RABGAP1L: variants seen among roughly 807,000 people sequenced by gnomAD.
RABGAP1L encodes RAB GTPase activating protein 1 like, also known as rab GTPase-activating protein 1-like.
In RABGAP1L, 63 loss-of-function variants were observed where a neutral mutation model predicts 137.7. That is an observed-to-expected ratio of 0.46 (90% confidence interval 0.37 to 0.56). The LOEUF (loss-of-function observed/expected upper bound fraction) is 0.56. Ranked by LOEUF, RABGAP1L falls within the 20% of genes least tolerant of loss-of-function variation. RABGAP1L has a pLI of 0.00. For missense variants in RABGAP1L, 1,095 were observed against 1,244.0 expected (o/e 0.88, Z 1.80); for synonymous variants, 431 against 433.7 (o/e 0.99, Z 0.08).
intron 11 of RABGAP1L, among the ~76,000 whole-genome samples, chr1:174,322,318 C>G (rs914712452): frequency 1.3e-5 from 2 of 152,076 alleles, no homozygotes; most frequent in Non-Finnish European, 2.9e-5. Flanking sequence ...TTTATGGTTT[C>G]TGCAGGTTAG....
At chr1:174,635,066 A>G (rs184068677) in intron 13 of RABGAP1L, among the ~76,000 whole-genome samples, 23 of 148,438 alleles carry the variant, frequency 1.5e-4, no homozygotes, top group African/African-American at 5.4e-4. Context: ...TAAAAAAATA[A>G]AAAAAGAAAA....
intron 5 of RABGAP1L, 25 bp from the exon 6 acceptor site, chr1:174,250,450 G>A: frequency 6.3e-7 from 1 of 1,579,702 alleles, no homozygotes; most frequent in Non-Finnish European, 8.6e-7. Flanking sequence ...TTTGCCTAAT[G>A]GTATTTCCTT....
At chr1:174,283,519 T>G (rs565060177) in intron 10 of RABGAP1L, among the ~76,000 whole-genome samples, 10 of 152,106 alleles carry the variant, frequency 6.6e-5, no homozygotes, top group African/African-American at 2.4e-4. Context: ...GTTTGTTTGT[T>G]TTTTTGAGAC....
In RABGAP1L at chr1:174,793,907, G is replaced by C. The variant is rs1304490667; in HGVS notation, c.2212-17925G>C. On this transcript the variant is annotated intron_variant, in intron 18 of 25. Coordinates refer to ENST00000681986, the MANE Select transcript of RABGAP1L (RefSeq NM_001366446.1). ...AGACAGGTTTATGATATGTTGGCCA[G>C]GTTGGTCTCAAACTCCTGACCTCAA... Among the ~76,000 whole-genome samples the C allele has an allele frequency of 3.9e-5, 6 of 152,118 alleles. No individual in the cohort carries two copies. The East Asian group carries it at 7.7e-4, about 20-fold the overall frequency.
chr1:174,419,628 CTT>C (rs1441013670), intron 13 of RABGAP1L, among the ~76,000 whole-genome samples: 1 of 152,050 alleles, frequency 6.6e-6, no homozygotes, highest in Non-Finnish European at 1.5e-5. Context: ...TAATTTAAAA[CTT>C]AAAATAGTTA....
At chr1:174,520,559 C>T (rs1339597911) in intron 13 of RABGAP1L, among the ~76,000 whole-genome samples, 1 of 152,124 alleles carries the variant, frequency 6.6e-6, no homozygotes, top group Admixed American at 6.5e-5. Context: ...ACATTTGATT[C>T]TTTATATTGT....
intron 13 of RABGAP1L, among the ~76,000 whole-genome samples, chr1:174,623,421 C>T (rs1672693141): frequency 6.6e-6 from 1 of 152,144 alleles, no homozygotes; most frequent in Non-Finnish European, 1.5e-5. Flanking sequence ...ATTAATTAAA[C>T]ATGCTCATGG....
chr1:174,312,480 C>T (rs1162020336), intron 11 of RABGAP1L, among the ~76,000 whole-genome samples: 1 of 151,896 alleles, frequency 6.6e-6, no homozygotes, highest in East Asian at 1.9e-4. Context: ...TTGAGCTGTT[C>T]CTTATATTTT....
At chr1:174,546,023 A>G (rs925133419) in intron 13 of RABGAP1L, 3 of 152,232 alleles carry the variant, frequency 2.0e-5, no homozygotes, top group Non-Finnish European at 4.4e-5. Context: ...AGAAAAAAAG[A>G]ATCTTAAGAA....
chr1:174,318,580 T>TTTTTCTTTC (rs533199280), intron 11 of RABGAP1L, among the ~76,000 whole-genome samples: 1 of 117,550 alleles, frequency 8.5e-6, no homozygotes, highest in East Asian at 2.6e-4. Flanking sequence ...TTGGTGATTG[T>TTTTTCTTTC]TTTCTTTCTT....
At chr1:174,850,061 G>T (rs1647998399) in intron 19 of RABGAP1L, 1 of 546,152 alleles carries the variant, frequency 1.8e-6, no homozygotes, top group Non-Finnish European at 3.6e-6. Context: ...GGAGGCTGTT[G>T]GTAGAGGGGT....
intron 1 of RABGAP1L, among the ~76,000 whole-genome samples, chr1:174,215,954 A>G (rs141912175): frequency 2.0e-5 from 3 of 152,336 alleles, no homozygotes; most frequent in African/African-American, 7.2e-5. Context: ...GTGGAGTACT[A>G]TTCAGCCATA....
intron 12 of RABGAP1L, among the ~76,000 whole-genome samples, chr1:174,383,482 T>C (rs1686404683): frequency 6.6e-6 from 1 of 152,176 alleles, no homozygotes; most frequent in South Asian, 2.1e-4. Context: ...GTGTGGGATA[T>C]AATCTCGTGG....
chr1:174,170,029 A>G lies in RABGAP1L; in HGVS notation c.-34+10372A>G, dbSNP rs144358354. Among the ~76,000 whole-genome samples the G allele has an allele frequency of 6.0e-4, 91 of 152,344 alleles. 1 individual carries two copies. The East Asian group carries it at 0.014, about 24-fold the overall frequency. On this transcript the variant is annotated intron_variant, in intron 1 of 25. Coordinates refer to ENST00000681986, the MANE Select transcript of RABGAP1L (RefSeq NM_001366446.1). The stretch of plus-strand genomic sequence containing the variant: ...ATTTCACTTAGAGGAGGATAATAGT[A>G]GCTTTTAGACATTTTTATCAGTTAT...
chr1:174,773,847 C>T (rs1378424472), intron 18 of RABGAP1L, among the ~76,000 whole-genome samples: 3 of 152,340 alleles, frequency 2.0e-5, no homozygotes, highest in East Asian at 3.9e-4. Flanking sequence ...CTCCATTTCA[C>T]TCTGACCAAT....
intron 18 of RABGAP1L, among the ~76,000 whole-genome samples, chr1:174,792,025 C>T (rs1286891355): frequency 6.6e-6 from 1 of 152,170 alleles, no homozygotes; most frequent in Non-Finnish European, 1.5e-5. Context: ...AAGATAGGTT[C>T]TTTATGGGAT....
At chr1:174,875,459 C>A in intron 19 of RABGAP1L, 1 of 932,708 alleles carries the variant, frequency 1.1e-6, no homozygotes, top group Non-Finnish European at 1.3e-6. Context: ...TGGTTGCCAG[C>A]AGGGAGTAAG....
chr1:174,633,571 A>G (rs1409772643), intron 13 of RABGAP1L, among the ~76,000 whole-genome samples: 11 of 142,520 alleles, frequency 7.7e-5, no homozygotes, highest in Admixed American at 3.5e-4. Flanking sequence ...AGCCTGCATC[A>G]CCAAGTCAAT....
At chr1:174,597,097 G>A (rs1437268480) in intron 13 of RABGAP1L, among the ~76,000 whole-genome samples, 1 of 152,110 alleles carries the variant, frequency 6.6e-6, no homozygotes, top group Admixed American at 6.5e-5. Context: ...TGTTTTTAAT[G>A]TGTTGTTGAA....
Sources: allele counts gnomAD v4.1 joint callset (sites outside exome capture counted in the v4.1 genomes callset), GRCh38; gene constraint gnomAD v4.1.1; transcripts MANE v1.5; gene names NCBI Gene and HGNC (gene_info 2026-07-23, HGNC 2026-07-21).